The following TENM3 variants were observed in gnomAD, a reference collection of about 807,000 sequenced individuals.
TENM3 encodes teneurin-3.
In TENM3, 63 loss-of-function variants were observed where a neutral mutation model predicts 255.1. That is an observed-to-expected ratio of 0.25 (90% confidence interval 0.20 to 0.30). The LOEUF (loss-of-function observed/expected upper bound fraction) is 0.30. TENM3 is among the 10% of genes least tolerant of loss of function. The pLI is 1.00. For missense variants in TENM3, 2,929 were observed against 3,461.1 expected, an observed-to-expected ratio of 0.85 and a Z score of 3.86; for synonymous variants, 1,306 against 1,322.3, an observed-to-expected ratio of 0.99 and a Z score of 0.27.
intron 6 of TENM3, among the ~76,000 whole-genome samples, chr4:182,667,408 C>A (rs2152541559): frequency 6.6e-6 from 1 of 152,272 alleles, no homozygotes; most frequent in Admixed American, 6.5e-5. Context: ...CCGGGCTGGT[C>A]TCGAACTCCT....
intron 3 of TENM3, among the ~76,000 whole-genome samples, chr4:182,517,171 A>G (rs1738055542): frequency 6.6e-6 from 1 of 152,088 alleles, no homozygotes; most frequent in African/African-American, 2.4e-5. Context: ...CCAGAAGCAA[A>G]GATATGTCCA....
In TENM3 at chr4:182,736,996, A is replaced by T; in HGVS notation, c.3156A>T (p.Ser1052=). The change falls in exon 17 of 28, where the codon TCA becomes TCT. Residue 1052 remains serine, a synonymous_variant. Transcript: ENST00000511685. ...TCTTCCAAAAGTGGTTTCCTGCCTC[A>T]CCAAACTTGGCCTATACTTTCATAT... ...GRLFQKWFPA[S]PNLAYTFIWD... The T allele has an allele frequency of 6.2e-7, 1 of 1,613,868 alleles. No individual in the cohort carries two copies. Among genetic ancestry groups the T allele is most frequent in the Non-Finnish European group, 8.5e-7 (1 of 1,179,802 alleles).
chr4:181,980,425 T>C, the TENM3 span: 1 of 152,312 alleles, frequency 6.6e-6, no homozygotes, highest in East Asian at 1.9e-4. Flanking sequence ...CCAAACATGC[T>C]TCATTAAAAT....
the TENM3 span, among the ~76,000 whole-genome samples, chr4:181,593,722 T>A: frequency 3.3e-5 from 5 of 152,210 alleles, no homozygotes; most frequent in African/African-American, 1.2e-4. Flanking sequence ...AAGGAGACCA[T>A]AAGCTTTTCT....
chr4:181,706,291 T>C, the TENM3 span, among the ~76,000 whole-genome samples: 5 of 152,128 alleles, frequency 3.3e-5, no homozygotes, highest in Admixed American at 6.5e-5. Flanking sequence ...ACCTCTGATA[T>C]GACCCCGCCT....
At chr4:182,196,943 T>A (rs924444029) in intron 1 of TENM3, among the ~76,000 whole-genome samples, 8 of 152,152 alleles carry the variant, frequency 5.3e-5, no homozygotes, top group Non-Finnish European at 1.2e-4. Flanking sequence ...CCGGTCATCT[T>A]CTCGGATGCC....
the TENM3 span, among the ~76,000 whole-genome samples, chr4:182,051,047 A>T: frequency 6.6e-6 from 1 of 152,044 alleles, no homozygotes; most frequent in Non-Finnish European, 1.5e-5. Flanking sequence ...TGGGCCAGAG[A>T]TAAAAGCAAA....
intron 1 of TENM3, among the ~76,000 whole-genome samples, chr4:182,186,399 C>T (rs1195182439): frequency 4.6e-5 from 7 of 151,912 alleles, no homozygotes; most frequent in Non-Finnish European, 1.0e-4. Flanking sequence ...ACAAAATTCA[C>T]CTGTTTCAAC....
At chr4:181,917,265 G>A in the TENM3 span, among the ~76,000 whole-genome samples, 3 of 152,100 alleles carry the variant, frequency 2.0e-5, no homozygotes, top group Non-Finnish European at 4.4e-5. Flanking sequence ...ATTCAAAGGC[G>A]GTAGGTATAG....
chr4:182,509,793 TGGG>T (rs1737198567), intron 3 of TENM3, among the ~76,000 whole-genome samples: 1 of 151,800 alleles, frequency 6.6e-6, no homozygotes, highest in Non-Finnish European at 1.5e-5. Flanking sequence ...CAAAACTAGC[TGGG>T]GGTGGTGGCG....
intron 1 of TENM3, among the ~76,000 whole-genome samples, chr4:182,187,236 A>G (rs949455075): frequency 4.6e-5 from 7 of 152,342 alleles, no homozygotes; most frequent in Non-Finnish European, 8.8e-5. Flanking sequence ...TTGAAGAAAA[A>G]CAACATTCTA....
chr4:181,863,659 T>G, the TENM3 span, among the ~76,000 whole-genome samples: 1 of 152,000 alleles, frequency 6.6e-6, no homozygotes, highest in Non-Finnish European at 1.5e-5. Flanking sequence ...GATCTAAGGG[T>G]AGTAGGCCAC....
chr4:182,754,953 C>T lies in TENM3; in HGVS notation c.4586C>T (p.Thr1529Ile). Residue 1529 changes from threonine (T) to isoleucine (I), a missense_variant, in exon 22 of 28, where the codon ACT (threonine) becomes ATT (isoleucine). This residue lies in a region of TENM3 where 1,608 missense variants were observed against 1,884.4 expected (regional missense o/e 0.85). Coordinates refer to ENST00000511685, the MANE Select transcript of TENM3 (RefSeq NM_001080477.4). The surrounding 1 kb of genome is among the most constrained non-coding windows in gnomAD (Gnocchi z 5.1). Reference protein sequence around the residue: ...QELYIFDINGTHQYTVSLVTG... With the variant: ...QELYIFDINGIHQYTVSLVTG... Reference sequence around the variant, plus strand: ...CTCTACATCTTTGACATCAATGGTACTCACCAATATACTGTAAGTTTAGTC... The same window carrying T: ...CTCTACATCTTTGACATCAATGGTATTCACCAATATACTGTAAGTTTAGTC... The T allele has an allele frequency of 6.2e-7, 1 of 1,613,952 alleles. No homozygotes were observed. The highest frequency in any genetic ancestry group is 1.1e-5 in the South Asian group (1 of 91,072).
the TENM3 span, among the ~76,000 whole-genome samples, chr4:181,879,142 C>T: frequency 6.6e-6 from 1 of 152,086 alleles, no homozygotes; most frequent in Non-Finnish European, 1.5e-5. Flanking sequence ...TTGATGAGTC[C>T]ATGTGCAGAA....
intron 4 of TENM3, among the ~76,000 whole-genome samples, chr4:182,612,317 G>A (rs184460608): frequency 2.7e-5 from 4 of 150,582 alleles, no homozygotes; most frequent in Admixed American, 6.6e-5. Flanking sequence ...AACTCATCGC[G>A]AAACATTGTG....
intron 3 of TENM3, among the ~76,000 whole-genome samples, chr4:182,363,052 C>G (rs551466377): frequency 3.3e-5 from 5 of 152,084 alleles, no homozygotes; most frequent in Non-Finnish European, 7.4e-5. Context: ...TGGAACTGAG[C>G]GACCATGTCA....
At chr4:182,175,377 G>A (rs1378000858) in intron 1 of TENM3, among the ~76,000 whole-genome samples, 1 of 150,238 alleles carries the variant, frequency 6.7e-6, no homozygotes, top group African/African-American at 2.4e-5. Flanking sequence ...ATATGCTAGT[G>A]AATGCACAGA....
chr4:181,791,375 A>G, the TENM3 span, among the ~76,000 whole-genome samples: 2 of 152,212 alleles, frequency 1.3e-5, no homozygotes, highest in African/African-American at 4.8e-5. Context: ...TGCTTTAATC[A>G]TAACAACAAA....
At chr4:182,624,236 A>T (rs6552583) in intron 4 of TENM3, among the ~76,000 whole-genome samples, 139,794 of 152,282 alleles carry the variant, frequency 0.92, 64,334 homozygotes, top group African/African-American at 0.95. Flanking sequence ...TTTTCTAAAT[A>T]TGGTTTCTTT....
Sources: allele counts gnomAD v4.1 joint callset (sites outside exome capture counted in the v4.1 genomes callset), GRCh38; gene constraint gnomAD v4.1.1; regional missense constraint gnomAD v4.1.1; non-coding constraint Gnocchi (gnomAD v3.1); transcripts MANE v1.5; gene names NCBI Gene and HGNC (gene_info 2026-07-23, HGNC 2026-07-21).